NEMF: variants seen among roughly 807,000 people sequenced by gnomAD.
NEMF encodes nuclear export mediator factor.
In NEMF, 89 loss-of-function variants were observed where a neutral mutation model predicts 162.2. The ratio of observed to expected loss-of-function variants is 0.55; its 90% confidence interval spans 0.46 to 0.65. The LOEUF is 0.65. Ranked by LOEUF, NEMF falls within the 30% of genes least tolerant of loss-of-function variation. The pLI is 0.00. For missense variants in NEMF, 1,133 were observed against 1,261.9 expected (o/e 0.90, Z 1.55); for synonymous variants, 421 against 404.5 (o/e 1.04, Z -0.49).
intron 25 of NEMF, among the ~76,000 whole-genome samples, 186 bp downstream of exon 25, chr14:49,799,289 T>C (rs186017547): frequency 8.8e-4 from 133 of 150,496 alleles, no homozygotes; most frequent in African/African-American, 3.0e-3. Flanking sequence ...ATTATAGTTA[T>C]AGATTAGGGC....
Position 49,783,579 on chromosome 14 carries a change from A to AATG in NEMF, c.*1054_*1056dup, listed in dbSNP as rs1290947797. 1 of 152,176 alleles carries AATG rather than the reference A, an allele frequency of 6.6e-6. No individual in the cohort carries two copies. The highest frequency in any genetic ancestry group is 1.5e-5 in the Non-Finnish European group (1 of 68,038). 9.4% of individuals were successfully genotyped at this position (152,176 alleles called of 1,614,324 possible). A position where few individuals can be genotyped will look rare whatever the true frequency, so the allele number is the denominator to read the frequency against. On this transcript the variant is annotated 3_prime_UTR_variant, in exon 33 of 33. Transcript: ENST00000298310. ...TTATAGCTCATGAAGGAATGGAAATAATGATGACATCATTTTCCATTCTGT... is the reference window on the plus strand; with the variant it reads ...TTATAGCTCATGAAGGAATGGAAATAATGATGATGACATCATTTTCCATTCTGT...
chr14:49,790,873 A>AT (rs1172967375), intron 26 of NEMF, among the ~76,000 whole-genome samples: 4 of 152,092 alleles, frequency 2.6e-5, no homozygotes, highest in African/African-American at 9.7e-5. Flanking sequence ...CATGCCTGTA[A>AT]TCCCAGCTAC....
intron 16 of NEMF, among the ~76,000 whole-genome samples, chr14:49,822,518 T>C (rs1435195827): frequency 6.7e-6 from 1 of 148,456 alleles, no homozygotes; most frequent in Non-Finnish European, 1.5e-5. Flanking sequence ...TAGGACTCTG[T>C]CTCAAAGAAA....
intron 18 of NEMF, among the ~76,000 whole-genome samples, chr14:49,811,161 G>A (rs1328432246): frequency 6.6e-6 from 1 of 152,134 alleles, no homozygotes; most frequent in African/African-American, 2.4e-5. Context: ...TATAAGCGTT[G>A]TAAGTCTTTT....
At position 49,789,189 on chromosome 14, in the gene NEMF, T is replaced by A; in HGVS notation, c.2852A>T (p.His951Leu). Reference sequence around the variant, plus strand: ...ATCTACAGCAAAGTCTTGTAACTCATGAGTTATAACCTCAAGGAACGGAGT... The same window carrying A: ...ATCTACAGCAAAGTCTTGTAACTCAAGAGTTATAACCTCAAGGAACGGAGT... ...KETPFLEVITHELQDFAVDDP... is the reference protein window; with the variant it reads ...KETPFLEVITLELQDFAVDDP... Residue 951 changes from histidine (H) to leucine (L), a missense_variant, in exon 28 of 33, where the codon CAT becomes CTT. Physicochemically the swap from His to Leu is moderately conservative, Grantham distance 99. Coordinates refer to ENST00000298310, the MANE Select transcript of NEMF (RefSeq NM_004713.6). 1 of 1,614,202 alleles carries A rather than the reference T, an allele frequency of 6.2e-7. No homozygotes were observed.
intron 3 of NEMF, among the ~76,000 whole-genome samples, chr14:49,848,833 CAAAAAAA>C (rs36090515): frequency 0.011 from 444 of 40,790 alleles, 5 homozygotes; most frequent in Middle Eastern, 0.015. Flanking sequence ...GACTCCGTCT[CAAAAAAA>C]AAAAAAAAAA....
intron 22 of NEMF, 31 bp from the exon 23 acceptor site, chr14:49,800,727 G>A: frequency 6.3e-7 from 1 of 1,589,622 alleles, no homozygotes; most frequent in Non-Finnish European, 8.6e-7. Context: ...AAGTCAGTGT[G>A]GGACTACCAA....
intron 18 of NEMF, among the ~76,000 whole-genome samples, chr14:49,812,293 G>A (rs1035402127): frequency 5.3e-5 from 8 of 152,156 alleles, no homozygotes; most frequent in African/African-American, 1.7e-4. Flanking sequence ...TTAGGGATTT[G>A]AGTCCTCTAT....
chr14:49,784,840 A>G (rs1312218774), intron 32 of NEMF, 85 bp downstream of exon 32: 24 of 1,418,466 alleles, frequency 1.7e-5, no homozygotes, highest in Non-Finnish European at 2.1e-5. Context: ...ATAAGACAGC[A>G]TTTTCTACTA....
chr14:49,852,213 A>G lies in NEMF; in HGVS notation c.60-338T>C, dbSNP rs140271754. On this transcript the variant is annotated intron_variant, in intron 1 of 32. Transcript: ENST00000298310. ...AAAGAGGGCCCCGAAAATATGACAAAGCTCACAGGGCTGAATAATAGAATC... is the reference window on the plus strand; with the variant it reads ...AAAGAGGGCCCCGAAAATATGACAAGGCTCACAGGGCTGAATAATAGAATC... 8.0e-3 allele frequency among the ~76,000 whole-genome samples: 1,218 copies of G among 152,298 alleles called. 15 individuals are homozygous for G. Among genetic ancestry groups the G allele is most frequent in the African/African-American group, 0.028 (1,175 of 41,556 alleles).
intron 26 of NEMF, 144 bp from the exon 27 acceptor site, chr14:49,789,717 T>C: frequency 2.5e-6 from 3 of 1,204,574 alleles, no homozygotes; most frequent in South Asian, 1.7e-5. Flanking sequence ...ATATGAAGGC[T>C]ACAAAGTTGG....
chr14:49,841,196 C>CAAAA (rs34039009), intron 4 of NEMF, among the ~76,000 whole-genome samples: 17 of 56,786 alleles, frequency 3.0e-4, no homozygotes, highest in African/African-American at 1.1e-3. Flanking sequence ...AACTCTGTCT[C>CAAAA]AAAAAAAAAA....
At chr14:49,838,729 C>T (rs138971775) in intron 5 of NEMF, among the ~76,000 whole-genome samples, 20 of 151,830 alleles carry the variant, frequency 1.3e-4, no homozygotes, top group South Asian at 6.3e-4. Flanking sequence ...GGACTACAGG[C>T]GCCCGCCACC....
intron 20 of NEMF, 30 bp from the exon 21 acceptor site, chr14:49,802,757 G>T: frequency 6.5e-7 from 1 of 1,542,798 alleles, no homozygotes; most frequent in South Asian, 1.2e-5. Flanking sequence ...TTAATGCTTT[G>T]AAAATCAGTC....
At chr14:49,793,821 T>G (rs1447955085) in intron 26 of NEMF, among the ~76,000 whole-genome samples, 2 of 152,160 alleles carry the variant, frequency 1.3e-5, no homozygotes, top group Non-Finnish European at 2.9e-5. Context: ...AATTCCCATG[T>G]TGTACACTCA....
At chr14:49,802,390 T>A in intron 22 of NEMF, 63 bp downstream of exon 22, 1 of 1,538,706 alleles carries the variant, frequency 6.5e-7, no homozygotes, top group Non-Finnish European at 8.9e-7. Context: ...CTTCTAAGGA[T>A]TTAGAAGCAA....
intron 11 of NEMF, 127 bp downstream of exon 11, chr14:49,831,172 G>C (rs1892614988): frequency 1.7e-6 from 1 of 577,298 alleles, no homozygotes; most frequent in African/African-American, 1.9e-5. Flanking sequence ...CATAAATAAA[G>C]AGGCAGGTCA....
Position 49,799,184 on chromosome 14 carries a change from G to A in NEMF, c.2465+291C>T, listed in dbSNP as rs565419896. Among the ~76,000 whole-genome samples, 527 of 94,214 alleles carry A rather than the reference G, an allele frequency of 5.6e-3. 3 individuals carry two copies. The highest frequency in any genetic ancestry group is 0.019 in the African/African-American group (473 of 24,556). The allele number at this position is 94,214 out of a possible 152,430, so 61.8% of individuals were successfully genotyped here. ...GACTGCGCCATAGCACTCTAGCCTG[G>A]GCAACAAAGCGAGACCCTGTTTCAA... On this transcript the variant is annotated intron_variant, in intron 25 of 32. Coordinates refer to ENST00000298310, the MANE Select transcript of NEMF (RefSeq NM_004713.6).
intron 16 of NEMF, among the ~76,000 whole-genome samples, chr14:49,816,949 A>G (rs894706681): frequency 2.0e-5 from 3 of 152,250 alleles, no homozygotes; most frequent in Admixed American, 6.5e-5. Context: ...AAGACAAAAG[A>G]GGACACAGAA....
Sources: gnomAD v4.1 joint callset for allele counts (sites outside exome capture counted in the v4.1 genomes callset) on GRCh38, gnomAD v4.1.1 for gene constraint, MANE v1.5 for transcripts, NCBI Gene and HGNC (gene_info 2026-07-23, HGNC 2026-07-21) for gene names.